The following DOCK8 variants were observed in gnomAD, a reference collection of about 807,000 sequenced individuals.
DOCK8 encodes dedicator of cytokinesis 8, also known as dedicator of cytokinesis protein 8.
Under a neutral mutation model 245.6 loss-of-function variants are expected in DOCK8, and 141 were observed. The ratio of observed to expected loss-of-function variants is 0.57; its 90% CI spans 0.50 to 0.66. The LOEUF (loss-of-function observed/expected upper bound fraction) is 0.66. DOCK8 is among the 30% of genes least tolerant of loss of function. The pLI is 0.00. For missense variants in DOCK8, 2,965 were observed against 2,603.4 expected (o/e 1.14, Z -3.02); for synonymous variants, 1,168 against 970.2 (o/e 1.20, Z -3.79).
intron 14 of DOCK8, among the ~76,000 whole-genome samples, chr9:348,465 C>T (rs976208016): frequency 2.0e-5 from 3 of 152,150 alleles, no homozygotes; most frequent in Non-Finnish European, 4.4e-5. Context: ...AAAAGTCCTG[C>T]GGTCGGTTTA....
chr9:312,423 C>A, intron 6 of DOCK8: 1 of 606,142 alleles, frequency 1.6e-6, no homozygotes, highest in Non-Finnish European at 3.1e-6. Context: ...TCACTAAGAG[C>A]ATCTCATTTA....
chr9:287,975 T>A (rs543648541), intron 3 of DOCK8, among the ~76,000 whole-genome samples: 1 of 152,082 alleles, frequency 6.6e-6, no homozygotes, highest in South Asian at 2.1e-4. Flanking sequence ...GGAATTTGAG[T>A]TCAGCCTGGG....
intron 23 of DOCK8, among the ~76,000 whole-genome samples, chr9:389,678 G>A (rs1391904288): frequency 1.3e-5 from 2 of 152,084 alleles, no homozygotes; most frequent in South Asian, 2.1e-4. Flanking sequence ...ATATCTGGGG[G>A]TGGGGCCCCC....
At chr9:245,336 C>A (rs2131432880) in intron 1 of DOCK8, among the ~76,000 whole-genome samples, 1 of 152,256 alleles carries the variant, frequency 6.6e-6, no homozygotes, top group South Asian at 2.1e-4. Flanking sequence ...TCCCCAATAG[C>A]TAGGATTACA....
chr9:344,702 T>C (rs1337890950), intron 14 of DOCK8, among the ~76,000 whole-genome samples: 4 of 152,172 alleles, frequency 2.6e-5, no homozygotes, highest in African/African-American at 9.7e-5. Flanking sequence ...TCTAAACTCA[T>C]TTGCTATGGT....
chr9:351,312 G>C (rs2052156542), intron 14 of DOCK8, among the ~76,000 whole-genome samples: 1 of 152,156 alleles, frequency 6.6e-6, no homozygotes, highest in African/African-American at 2.4e-5. Flanking sequence ...TTTCTAGAGT[G>C]GCACCCTGGT....
chr9:394,685 C>T (rs1242038545), intron 24 of DOCK8, among the ~76,000 whole-genome samples: 1 of 152,202 alleles, frequency 6.6e-6, no homozygotes, highest in Non-Finnish European at 1.5e-5. Flanking sequence ...TTTACTCACT[C>T]AGGACATGAA....
chr9:273,590 T>C (rs1028519934), intron 2 of DOCK8, among the ~76,000 whole-genome samples: 12 of 152,194 alleles, frequency 7.9e-5, no homozygotes, highest in Non-Finnish European at 1.6e-4. Flanking sequence ...CTTTCTGCAG[T>C]AGTTGTCTTG....
chr9:462,515 G>A (rs542003031), intron 46 of DOCK8, among the ~76,000 whole-genome samples: 1 of 152,338 alleles, frequency 6.6e-6, no homozygotes, highest in Non-Finnish European at 1.5e-5. Context: ...GGCATATCCA[G>A]AATCTCCCTT....
At chr9:241,052 T>C (rs950540605) in intron 1 of DOCK8, among the ~76,000 whole-genome samples, 1 of 151,692 alleles carries the variant, frequency 6.6e-6, no homozygotes, top group Non-Finnish European at 1.5e-5. Flanking sequence ...CATTAAATAC[T>C]CCCTTGATAT....
rs746187302 is a variant in DOCK8, at chr9:441,272, C to G, written c.5224-14C>G. 2 of 1,614,116 alleles carry G rather than the reference C, an allele frequency of 1.2e-6. No homozygotes were observed. The highest frequency in any genetic ancestry group is 2.2e-5 in the South Asian group (2 of 91,078). ...GGATTAAATTCTCTCTGATGCTCTT[C>G]TCCTCTTTCCAAGGGAGGCTTATAT... On this transcript the variant is annotated splice_polypyrimidine_tract_variant and intron_variant, in intron 40 of 47. Transcript: ENST00000432829.
At chr9:332,270 A>G (rs1366535862) in intron 9 of DOCK8, 128 bp from the exon 10 acceptor site, 2 of 656,284 alleles carry the variant, frequency 3.0e-6, no homozygotes, top group East Asian at 5.6e-5. Flanking sequence ...TTTAATAAAA[A>G]AATATGTATC....
rs73372507 is a variant in DOCK8, at chr9:218,467, G to A, written c.53+3438G>A. Among the ~76,000 whole-genome samples the A allele has an allele frequency of 7.4e-3, 1,120 of 152,202 alleles. 13 individuals carry two copies. The highest frequency in any genetic ancestry group is 0.025 in the African/African-American group (1,044 of 41,516). ...TTCCATTTTTTTGTTGCTGACTTGCGTGCCAAGGAAAGACTAGATCTAAGT... is the reference window on the plus strand; with the variant it reads ...TTCCATTTTTTTGTTGCTGACTTGCATGCCAAGGAAAGACTAGATCTAAGT... On this transcript the variant is annotated intron_variant, in intron 1 of 47. Coordinates refer to ENST00000432829, the MANE Select transcript of DOCK8 (RefSeq NM_203447.4).
intron 29 of DOCK8, among the ~76,000 whole-genome samples, chr9:416,321 T>C (rs1176799253): frequency 6.6e-6 from 1 of 152,234 alleles, no homozygotes; most frequent in Non-Finnish European, 1.5e-5. Context: ...TTGAGAATCC[T>C]TGATGGCAAG....
chr9:449,275 G>A (rs754893742), intron 44 of DOCK8, among the ~76,000 whole-genome samples: 8 of 152,242 alleles, frequency 5.3e-5, no homozygotes, highest in African/African-American at 9.6e-5. Context: ...GCTTGAACCC[G>A]GGAGGCGGAG....
intron 6 of DOCK8, chr9:312,569 G>C (rs1185623393): frequency 2.7e-6 from 1 of 373,498 alleles, no homozygotes; most frequent in Non-Finnish European, 5.2e-6. Flanking sequence ...TTAGTGCTTT[G>C]TTACTTTCTT....
At chr9:235,489 C>T (rs771479013) in intron 1 of DOCK8, among the ~76,000 whole-genome samples, 3 of 152,340 alleles carry the variant, frequency 2.0e-5, no homozygotes, top group Non-Finnish European at 2.9e-5. Flanking sequence ...GTGCCCTGCC[C>T]CCAGAAGTGG....
At chr9:269,431 C>G (rs1336564) in intron 1 of DOCK8, among the ~76,000 whole-genome samples, 4,562 of 151,916 alleles carry the variant, frequency 0.03, 97 homozygotes, top group Middle Eastern at 0.054. Flanking sequence ...TGTGGATATA[C>G]AACTTTTTGT....
rs79186747 is a variant in DOCK8 at position 236,318 on chromosome 9, A to G, written c.53+21289A>G. Among the ~76,000 whole-genome samples the G allele has an allele frequency of 4.0e-4, 61 of 152,360 alleles. No homozygotes were observed. In the East Asian group the frequency reaches 9.6e-3, roughly 24 times the overall value. On this transcript the variant is annotated intron_variant, in intron 1 of 47. Transcript: ENST00000432829. ...TTAGGAAGCTCTTCTAGAAGCTCAC[A>G]GAATTACATTTGTTTATGTATTTCA... is the stretch of plus-strand genomic sequence containing the variant.
Sources: allele counts gnomAD v4.1 joint callset (sites outside exome capture counted in the v4.1 genomes callset), GRCh38; gene constraint gnomAD v4.1.1; transcripts MANE v1.5; gene names NCBI Gene and HGNC (gene_info 2026-07-23, HGNC 2026-07-21).